The following TRERF1 variants were observed in gnomAD, a reference collection of about 807,000 sequenced individuals.
TRERF1 encodes transcriptional regulating factor 1, also known as transcriptional-regulating factor 1.
Under a neutral mutation model 122.9 loss-of-function variants are expected in TRERF1, and 27 were observed. That is an observed-to-expected ratio of 0.22 (90% CI 0.16 to 0.30). The LOEUF is 0.30. Ranked by LOEUF, TRERF1 falls within the 10% of genes least tolerant of loss-of-function variation. TRERF1 has a pLI of 1.00. For missense variants in TRERF1, 1,248 were observed against 1,560.3 expected, an observed-to-expected ratio of 0.80 and a Z score of 3.37; for synonymous variants, 636 against 641.7, an observed-to-expected ratio of 0.99 and a Z score of 0.13.
At position 42,379,503 on chromosome 6, in the gene TRERF1, A is replaced by G. The variant is rs555488320; in HGVS notation, c.-453-16424T>C. Among the ~76,000 whole-genome samples the G allele has an allele frequency of 4.6e-5, 7 of 152,008 alleles. No individual in the cohort carries two copies. The South Asian group carries it at 1.5e-3, about 32-fold the overall frequency. ...CCCTTCCTTCTTTCAACAGATAGAT[A>G]CTGGGCACTTACTATATGTCAGGCA... On this transcript the variant is annotated intron_variant, in intron 2 of 17. Transcript: ENST00000372922.
chr6:42,271,596 C>G (rs903440959), intron 4 of TRERF1, among the ~76,000 whole-genome samples: 2 of 151,068 alleles, frequency 1.3e-5, no homozygotes, highest in African/African-American at 4.9e-5. Flanking sequence ...TAAAAAGTCA[C>G]CCCCCCCAAA....
intron 2 of TRERF1, among the ~76,000 whole-genome samples, chr6:42,406,310 T>A (rs967777095): frequency 6.6e-6 from 1 of 152,200 alleles, no homozygotes; most frequent in African/African-American, 2.4e-5. Context: ...TCTCAGAATC[T>A]TCTTGCCCTT....
intron 2 of TRERF1, among the ~76,000 whole-genome samples, chr6:42,390,879 G>A (rs1200719052): frequency 2.6e-5 from 4 of 152,120 alleles, no homozygotes; most frequent in Non-Finnish European, 5.9e-5. Flanking sequence ...AGAAATACAC[G>A]AGCCGGCTCT....
chr6:42,387,277 T>C (rs1158249579), intron 2 of TRERF1, among the ~76,000 whole-genome samples: 6 of 152,236 alleles, frequency 3.9e-5, no homozygotes, highest in Non-Finnish European at 2.9e-5. Context: ...TCTAAGGAAA[T>C]GCAGAAACTA....
chr6:42,270,768 C>CTTTTTTTTT (rs1175342905), intron 4 of TRERF1, among the ~76,000 whole-genome samples: 1 of 119,622 alleles, frequency 8.4e-6, no homozygotes, highest in African/African-American at 3.0e-5. Context: ...GACCTCATCT[C>CTTTTTTTTT]TTTTTTTTTT....
At chr6:42,261,922 A>T (rs541361112) in intron 8 of TRERF1, among the ~76,000 whole-genome samples, 26 of 152,210 alleles carry the variant, frequency 1.7e-4, no homozygotes, top group African/African-American at 6.0e-4. Context: ...ATTCTCATCC[A>T]GTCACACTTA....
At chr6:42,442,169 G>C (rs1379763103) in intron 2 of TRERF1, among the ~76,000 whole-genome samples, 2 of 151,976 alleles carry the variant, frequency 1.3e-5, no homozygotes, top group Non-Finnish European at 2.9e-5. Context: ...GAATTTAAGG[G>C]AGCTTGGTAT....
At position 42,268,697 on chromosome 6, in the gene TRERF1, T is replaced by C. The variant is rs1779685626; in HGVS notation, c.894A>G (p.Ser298=). ...GCTGCTGTGGCGGCGGCTGTGGCTG[T>C]GATGGGCGAATTTGTTGCGGCTGCG... Residue 298 remains serine (S), a synonymous_variant, in exon 5 of 18, where the codon TCA becomes TCG. Coordinates refer to ENST00000372922, the Ensembl canonical transcript of TRERF1. The surrounding 1 kb of genome is among the most constrained non-coding windows in gnomAD (Gnocchi z 4.4). 8.7e-6 allele frequency: 14 copies of C among 1,614,164 alleles called. No homozygotes were observed. The highest frequency in any genetic ancestry group is 1.0e-5 in the Non-Finnish European group (12 of 1,180,022).
chr6:42,385,099 T>C (rs1032520852), intron 2 of TRERF1, among the ~76,000 whole-genome samples: 5 of 152,176 alleles, frequency 3.3e-5, no homozygotes, highest in Non-Finnish European at 7.3e-5. Context: ...TGCCTTAGCC[T>C]CCTGAGTAGC....
chr6:42,397,086 G>C (rs753006835), intron 2 of TRERF1, among the ~76,000 whole-genome samples: 1 of 152,182 alleles, frequency 6.6e-6, no homozygotes, highest in Non-Finnish European at 1.5e-5. Flanking sequence ...TCTCAGAGCA[G>C]TGGATTCTAA....
chr6:42,434,710 A>ACACACACACC (rs1554218671), intron 2 of TRERF1, among the ~76,000 whole-genome samples: 9 of 147,460 alleles, frequency 6.1e-5, no homozygotes. Flanking sequence ...ACACACACAC[A>ACACACACACC]CCCCTAATAG....
chr6:42,356,311 G>A lies in TRERF1; in HGVS notation c.-371+6686C>T, dbSNP rs1770532632. Among the ~76,000 whole-genome samples, 3 of 152,222 alleles carry A rather than the reference G, an allele frequency of 2.0e-5. No homozygotes were observed. The South Asian group carries it at 6.2e-4, about 32-fold the overall frequency. On this transcript the variant is annotated intron_variant, in intron 3 of 17. Transcript: ENST00000372922. The stretch of plus-strand genomic sequence containing the variant: ...TTGAAGCCCTAAACCCCAATGGGAT[G>A]CCATTCGGAGATGAGGTCTTTGAGA...
At chr6:42,434,523 T>C (rs1014474916) in intron 2 of TRERF1, among the ~76,000 whole-genome samples, 3 of 149,474 alleles carry the variant, frequency 2.0e-5, no homozygotes, top group African/African-American at 7.4e-5. Flanking sequence ...TGAAAGAAAA[T>C]AAAACAAGCC....
chr6:42,263,547 G>A lies in TRERF1; in HGVS notation c.1657C>T (p.Pro553Ser), dbSNP rs1778635134. ...GGCAGTGGTGGCTGGGGCTGAGGCG[G>A]CAGGACCTTCTCTCCTTCCTCCTAC... is the stretch of plus-strand genomic sequence containing the variant. The change falls in exon 8 of 18, where the codon CCG (proline) becomes TCG (serine). Residue 553 changes from proline (P) to serine (S), a missense_variant. Around this residue, in one of 5 missense-constraint regions of TRERF1, gnomAD observed 946 missense variants for 1,073.0 expected, o/e 0.88. Transcript: ENST00000372922. This position sits in a 1 kb window ranked among gnomAD's most constrained non-coding sequence, Gnocchi z 5.6. 1 of 1,544,468 alleles carries A rather than the reference G, an allele frequency of 6.5e-7. No individual in the cohort carries two copies. Among genetic ancestry groups the A allele is most frequent in the Non-Finnish European group, 8.7e-7 (1 of 1,145,222 alleles).
intron 2 of TRERF1, among the ~76,000 whole-genome samples, chr6:42,409,570 A>G (rs529753761): frequency 1.4e-4 from 22 of 152,304 alleles, no homozygotes; most frequent in Admixed American, 3.3e-4. Context: ...TGGAATGCTG[A>G]CCCTTTAATG....
At chr6:42,418,015 A>G (rs899738612) in intron 2 of TRERF1, among the ~76,000 whole-genome samples, 8 of 152,054 alleles carry the variant, frequency 5.3e-5, no homozygotes, top group Non-Finnish European at 1.2e-4. Flanking sequence ...TGCACTACAC[A>G]ATAAAAACCA....
At chr6:42,247,675 G>C (rs933115024) in intron 13 of TRERF1, among the ~76,000 whole-genome samples, 1 of 152,166 alleles carries the variant, frequency 6.6e-6, no homozygotes, top group East Asian at 1.9e-4. Context: ...AAGAAAGCAC[G>C]ATATGCAGAT....
At chr6:42,406,161 TCA>T (rs1417051463) in intron 2 of TRERF1, among the ~76,000 whole-genome samples, 1 of 152,204 alleles carries the variant, frequency 6.6e-6, no homozygotes, top group East Asian at 1.9e-4. Flanking sequence ...GCTGACTTGG[TCA>T]CAGTTATGGA....
At chr6:42,347,881 G>C (rs1366767006) in intron 3 of TRERF1, among the ~76,000 whole-genome samples, 1 of 152,244 alleles carries the variant, frequency 6.6e-6, no homozygotes, top group Non-Finnish European at 1.5e-5. Flanking sequence ...GGTAAAACCT[G>C]AGAAGTAATA....
Sources: gnomAD v4.1 joint callset for allele counts (sites outside exome capture counted in the v4.1 genomes callset) on GRCh38, gnomAD v4.1.1 for gene constraint, gnomAD v4.1.1 regional missense constraint, Gnocchi (gnomAD v3.1) non-coding constraint, MANE v1.5 for transcripts, NCBI Gene and HGNC (gene_info 2026-07-23, HGNC 2026-07-21) for gene names.